Variants in APBB2 observed in about 807,000 individuals in gnomAD.
The protein encoded by APBB2 is Fe65-like 1.
A neutral mutation model predicts 82.5 loss-of-function variants in APBB2; 38 were observed. The observed-to-expected ratio is 0.46, with a 90% CI of 0.36 to 0.60. The LOEUF is 0.60. APBB2 is among the 20% of genes least tolerant of loss of function. The pLI is 0.00. For synonymous variants in APBB2, 341 were observed against 368.2 expected (o/e 0.93, Z 0.85); for missense variants, 772 against 972.3 (o/e 0.79, Z 2.74).
At chr4:40,968,622 A>T (rs1008997248) in intron 6 of APBB2, among the ~76,000 whole-genome samples, 1 of 152,108 alleles carries the variant, frequency 6.6e-6, no homozygotes, top group African/African-American at 2.4e-5. Flanking sequence ...CCAGTATCCA[A>T]ATGGACACTC....
intron 6 of APBB2, among the ~76,000 whole-genome samples, chr4:41,009,129 A>C (rs1199451016): frequency 6.6e-6 from 1 of 152,086 alleles, no homozygotes; most frequent in Admixed American, 6.5e-5. Flanking sequence ...TGAAACACTA[A>C]GTGATTAACA....
At chr4:40,921,821 T>C (rs899664103) in intron 10 of APBB2, among the ~76,000 whole-genome samples, 8 of 152,184 alleles carry the variant, frequency 5.3e-5, no homozygotes, top group Admixed American at 2.0e-4. Context: ...CACGGGTCCA[T>C]TTTCCAGCTT....
At chr4:40,940,689 G>A (rs1470115157) in intron 7 of APBB2, among the ~76,000 whole-genome samples, 2 of 152,190 alleles carry the variant, frequency 1.3e-5, no homozygotes, top group African/African-American at 4.8e-5. Context: ...AGGACCAAGA[G>A]GAAACCACAG....
chr4:40,968,018 G>C (rs1486223587), intron 6 of APBB2, among the ~76,000 whole-genome samples: 2 of 152,198 alleles, frequency 1.3e-5, no homozygotes, highest in Non-Finnish European at 2.9e-5. Context: ...GCCAAACACT[G>C]AGCAGTGTTT....
At chr4:40,960,154 G>A (rs541305447) in intron 6 of APBB2, among the ~76,000 whole-genome samples, 1 of 152,140 alleles carries the variant, frequency 6.6e-6, no homozygotes, top group Admixed American at 6.5e-5. Context: ...CTATGGATGG[G>A]GAGGAGGAGT....
At chr4:41,140,495 T>A (rs1472409274) in intron 2 of APBB2, among the ~76,000 whole-genome samples, 1 of 152,216 alleles carries the variant, frequency 6.6e-6, no homozygotes, top group Non-Finnish European at 1.5e-5. Context: ...CCTAATTCCA[T>A]CTCTGTTCCC....
At position 41,009,649 on chromosome 4, in the gene APBB2, G is replaced by C. The variant is rs192420672; in HGVS notation, c.835+3934C>G. On this transcript the variant is annotated intron_variant, in intron 6 of 17. Transcript: ENST00000508593. ...TACGATCCAAAGATAATTGCATCAT[G>C]ATTTAGTCATAAAACACACACCACT... Among the ~76,000 whole-genome samples the C allele has an allele frequency of 3.2e-3, 482 of 152,222 alleles. 1 individual carries two copies. Among genetic ancestry groups the C allele is most frequent in the Non-Finnish European group, 5.8e-3 (396 of 68,004 alleles).
chr4:40,939,409 G>A (rs1483920797), intron 7 of APBB2, among the ~76,000 whole-genome samples: 3 of 152,224 alleles, frequency 2.0e-5, no homozygotes, highest in Admixed American at 6.5e-5. Flanking sequence ...GTTTCCTTAC[G>A]ATCTAGTCTT....
intron 10 of APBB2, among the ~76,000 whole-genome samples, chr4:40,921,561 A>C (rs1781267028): frequency 6.6e-6 from 1 of 152,266 alleles, no homozygotes; most frequent in Middle Eastern, 3.4e-3. Context: ...CTAGCTCTCA[A>C]CCAAAACACG....
At chr4:40,908,757 C>G (rs1314848194) in intron 10 of APBB2, among the ~76,000 whole-genome samples, 2 of 152,190 alleles carry the variant, frequency 1.3e-5, no homozygotes, top group African/African-American at 4.8e-5. Context: ...GGGCTGGTCC[C>G]GAGGCTTCTC....
intron 1 of APBB2, among the ~76,000 whole-genome samples, chr4:41,173,389 C>G (rs551773945): frequency 6.6e-6 from 1 of 152,078 alleles, no homozygotes; most frequent in Non-Finnish European, 1.5e-5. Context: ...GATGAAGGAA[C>G]CAAATACGGA....
chr4:41,041,017 A>T (rs1038549815), intron 4 of APBB2, among the ~76,000 whole-genome samples: 2 of 152,106 alleles, frequency 1.3e-5, no homozygotes, highest in East Asian at 3.9e-4. Flanking sequence ...AGCAGCTGGG[A>T]CTACAAGCGC....
chr4:41,151,854 C>G (rs914194406), intron 1 of APBB2, among the ~76,000 whole-genome samples: 1 of 151,740 alleles, frequency 6.6e-6, no homozygotes, highest in African/African-American at 2.4e-5. Flanking sequence ...CCCTTATCGG[C>G]CCATAAATTA....
intron 2 of APBB2, among the ~76,000 whole-genome samples, chr4:41,130,151 T>C (rs962033807): frequency 8.5e-5 from 13 of 152,176 alleles, no homozygotes; most frequent in Admixed American, 7.2e-4. Context: ...GAGGCTGTGA[T>C]GGGGCCAGCA....
rs1226729077 is a variant in APBB2, at chr4:40,826,246, TAAGTA to T, written c.1733-281_1733-277del. The T allele has an allele frequency of 1.3e-5, 5 of 390,094 alleles. No individual in the cohort carries two copies. Among genetic ancestry groups the T allele is most frequent in the African/African-American group, 1.2e-4 (5 of 42,438 alleles). 24.2% of individuals were successfully genotyped at this position (390,094 alleles called of 1,614,324 possible). ...CTGCTACTGTCTCTTTGATGTATAT[TAAGTA>T]AAGTAGCAGCTTTTGGTGTCCTATT... On this transcript the variant is annotated intron_variant, in intron 14 of 17. Transcript: ENST00000508593. The surrounding 1 kb of genome is among the most constrained non-coding windows in gnomAD (Gnocchi z 4.5).
intron 6 of APBB2, among the ~76,000 whole-genome samples, chr4:40,989,104 G>A (rs952355551): frequency 2.6e-5 from 4 of 152,104 alleles, no homozygotes. Context: ...TAAAGTGGGT[G>A]AGAAACAAAC....
At chr4:41,000,067 GTA>G (rs201646875) in intron 6 of APBB2, among the ~76,000 whole-genome samples, 1,060 of 105,770 alleles carry the variant, frequency 0.01, 21 homozygotes, top group South Asian at 0.061. Flanking sequence ...ATATATGTGT[GTA>G]TGTGTGTGTG....
intron 12 of APBB2, among the ~76,000 whole-genome samples, chr4:40,854,052 C>T (rs1404119702): frequency 2.6e-5 from 4 of 152,128 alleles, no homozygotes; most frequent in African/African-American, 7.2e-5. Flanking sequence ...CCTTATCTGC[C>T]GAACAGCATA....
chr4:40,828,218 A>G (rs573747336), intron 13 of APBB2, among the ~76,000 whole-genome samples: 9 of 152,314 alleles, frequency 5.9e-5, no homozygotes, highest in African/African-American at 2.2e-4. Context: ...AAACTGCTCT[A>G]AATTGCTTCT....
Sources: allele counts gnomAD v4.1 joint callset (sites outside exome capture counted in the v4.1 genomes callset), GRCh38; gene constraint gnomAD v4.1.1; non-coding constraint Gnocchi (gnomAD v3.1); transcripts MANE v1.5; gene names NCBI Gene and HGNC (gene_info 2026-07-23, HGNC 2026-07-21).